Variants in RERG observed in about 807,000 individuals in gnomAD.
The protein encoded by RERG is ras-related and estrogen-regulated growth inhibitor.
RERG carries 25 observed loss-of-function variants against 23.2 expected under a neutral mutation model. The ratio of observed to expected loss-of-function variants is 1.08; its 90% CI spans 0.79 to 1.50. The LOEUF (loss-of-function observed/expected upper bound fraction) is 1.50. Ranked by LOEUF, RERG falls within the 40% of genes most tolerant of loss-of-function variation. The probability of loss-of-function intolerance (pLI) is 0.00; values close to 1 mark genes in which losing one functional copy is unlikely to be tolerated. For synonymous variants in RERG, 81 were observed against 89.1 expected, an observed-to-expected ratio of 0.91 and a Z score of 0.51; for missense variants, 253 against 250.1, an observed-to-expected ratio of 1.01 and a Z score of -0.08.
chr12:15,220,343 G>GT (rs796867244), intron 1 of RERG, among the ~76,000 whole-genome samples: 14 of 151,038 alleles, frequency 9.3e-5, no homozygotes, highest in Non-Finnish European at 1.6e-4. Context: ...GAAGGTGTAG[G>GT]TTTTTTTTTC....
chr12:15,112,960 G>T, intron 3 of RERG, among the ~76,000 whole-genome samples: 1 of 152,174 alleles, frequency 6.6e-6, no homozygotes, highest in Non-Finnish European at 1.5e-5. Context: ...CAATGAGGAA[G>T]AAGTCTAAAG....
At chr12:15,207,147 C>T (rs1472953210) in intron 2 of RERG, among the ~76,000 whole-genome samples, 7 of 152,034 alleles carry the variant, frequency 4.6e-5, no homozygotes, top group Non-Finnish European at 7.4e-5. Context: ...CTCATCGTTT[C>T]GAGAACTAAA....
At chr12:15,158,270 C>T (rs1864551843) in intron 2 of RERG, among the ~76,000 whole-genome samples, 1 of 151,726 alleles carries the variant, frequency 6.6e-6, no homozygotes, top group Non-Finnish European at 1.5e-5. Flanking sequence ...TGGAACAGTT[C>T]CTCAGTTTTT....
intron 2 of RERG, among the ~76,000 whole-genome samples, chr12:15,127,317 A>C (rs1863966206): frequency 6.6e-6 from 1 of 152,242 alleles, no homozygotes; most frequent in African/African-American, 2.4e-5. Context: ...GAAAACAATG[A>C]AAATTTCTTT....
chr12:15,137,802 G>A (rs1356012728), intron 2 of RERG: 1 of 427,250 alleles, frequency 2.3e-6, no homozygotes, highest in Non-Finnish European at 4.6e-6. Flanking sequence ...TAAATTAAGA[G>A]TAAGAAAAAT....
At chr12:15,120,974 G>T in intron 3 of RERG, 89 bp downstream of exon 3, 1 of 969,796 alleles carries the variant, frequency 1.0e-6, no homozygotes, top group Non-Finnish European at 1.6e-6. Context: ...GCTAAAAGGA[G>T]CTTAAAAATG....
chr12:15,187,330 ACT>A (rs1377877658), intron 2 of RERG, among the ~76,000 whole-genome samples: 1 of 152,130 alleles, frequency 6.6e-6, no homozygotes, highest in East Asian at 1.9e-4. Flanking sequence ...CCAAAGTCTA[ACT>A]ATATTAATAC....
rs869218147 is a variant in RERG, at chr12:15,110,463, C to CTTTTTTTTTTTTTTTTTTTTT, written c.192+860_192+880dup. Among the ~76,000 whole-genome samples the CTTTTTTTTTTTTTTTTTTTTT allele has an allele frequency of 4.7e-4, 34 of 73,080 alleles. 5 individuals carry two copies. The highest frequency in any genetic ancestry group is 1.7e-3 in the African/African-American group (29 of 16,734). The allele number at this position is 73,080 out of a possible 152,430, so 47.9% of individuals were successfully genotyped here. ...CTGTCATTCCAGTGGCCATTTTTTT[C>CTTTTTTTTTTTTTTTTTTTTT]TTTTTTTTTTTTTTTTTTTTTTTTT... On this transcript the variant is annotated intron_variant, in intron 4 of 4. Coordinates refer to ENST00000256953, the MANE Select transcript of RERG (RefSeq NM_032918.3).
At chr12:15,219,704 A>G (rs1865489087) in intron 1 of RERG, among the ~76,000 whole-genome samples, 1 of 152,230 alleles carries the variant, frequency 6.6e-6, no homozygotes, top group Non-Finnish European at 1.5e-5. Context: ...TGAAACATTG[A>G]ACACGCAAGT....
intron 2 of RERG, among the ~76,000 whole-genome samples, chr12:15,161,166 G>A (rs1864602851): frequency 7.7e-6 from 1 of 130,134 alleles, no homozygotes; most frequent in Non-Finnish European, 1.7e-5. Context: ...AAGAAAGAAA[G>A]AAAGAAAGAA....
intron 2 of RERG, among the ~76,000 whole-genome samples, chr12:15,179,154 T>C (rs1008320113): frequency 2.0e-5 from 3 of 152,156 alleles, no homozygotes; most frequent in African/African-American, 7.2e-5. Context: ...TGTATATGTG[T>C]GTAGCAGAGG....
chr12:15,130,834 C>T (rs1186633684), intron 2 of RERG, among the ~76,000 whole-genome samples: 1 of 152,072 alleles, frequency 6.6e-6, no homozygotes, highest in Non-Finnish European at 1.5e-5. Context: ...GTGTAATCTC[C>T]AAGAATTATT....
chr12:15,135,255 T>C (rs1209440348), intron 2 of RERG, among the ~76,000 whole-genome samples: 1 of 152,204 alleles, frequency 6.6e-6, no homozygotes, highest in Non-Finnish European at 1.5e-5. Context: ...AGGAAAGTGA[T>C]TGACCTGTAT....
In RERG at chr12:15,125,907, C is replaced by T. The variant is rs569056464; in HGVS notation, c.62-4788G>A. On this transcript the variant is annotated intron_variant, in intron 2 of 4. Transcript: ENST00000256953. ...CCTTATAGTGTGGAATATATGGATA[C>T]GGATATGAATACAATGTATGTATAT... Among the ~76,000 whole-genome samples, 221 of 151,342 alleles carry T rather than the reference C, an allele frequency of 1.5e-3. 1 individual carries two copies. Among genetic ancestry groups the T allele is most frequent in the African/African-American group, 5.2e-3 (215 of 41,346 alleles).
chr12:15,214,998 A>G (rs752286198), intron 2 of RERG, among the ~76,000 whole-genome samples: 51 of 152,242 alleles, frequency 3.3e-4, no homozygotes, highest in Non-Finnish European at 5.9e-4. Context: ...TTTAATGTTG[A>G]CATAGGAAAA....
intron 2 of RERG, among the ~76,000 whole-genome samples, chr12:15,135,958 G>T (rs1864137795): frequency 6.6e-6 from 1 of 152,064 alleles, no homozygotes; most frequent in Non-Finnish European, 1.5e-5. Flanking sequence ...TTTTCTGGAA[G>T]AAATTACAGA....
chr12:15,168,028 C>T (rs186702852), intron 2 of RERG, among the ~76,000 whole-genome samples: 42 of 152,306 alleles, frequency 2.8e-4, no homozygotes, highest in African/African-American at 1.0e-3. Context: ...GATTGCCTCT[C>T]ATCTAATTAA....
At chr12:15,164,365 T>G (rs1864656302) in intron 2 of RERG, among the ~76,000 whole-genome samples, 1 of 152,218 alleles carries the variant, frequency 6.6e-6, no homozygotes, top group Admixed American at 6.5e-5. Context: ...CACATGAGCC[T>G]TCTCTGAACC....
rs1467401913 is a variant in RERG, at chr12:15,109,486, C to T, written c.224G>A (p.Arg75Gln). ...GACCAGCACAAAGCCTTCCCCCCAT[C>T]GCATGTGCCCCTCCCTCTGAATGGT... ...EDTIQREGHM[R>Q]WGEGFVLVYD... Residue 75 changes from arginine to glutamine, a missense_variant, in exon 5 of 5, where the codon CGA becomes CAA. Coordinates refer to ENST00000256953, the MANE Select transcript of RERG (RefSeq NM_032918.3). 2.5e-6 allele frequency: 4 copies of T among 1,610,136 alleles called. No individual in the cohort carries two copies. Among genetic ancestry groups the T allele is most frequent in the Admixed American group, 1.7e-5 (1 of 59,752 alleles).
Sources: gnomAD v4.1 joint callset for allele counts (sites outside exome capture counted in the v4.1 genomes callset) on GRCh38, gnomAD v4.1.1 for gene constraint, MANE v1.5 for transcripts, NCBI Gene and HGNC (gene_info 2026-07-23, HGNC 2026-07-21) for gene names.